Variants in CHL1 observed in about 807,000 individuals in gnomAD.
CHL1 encodes the protein neural cell adhesion molecule L1-like protein.
In CHL1, 96 loss-of-function variants were observed where a neutral mutation model predicts 141.9. That is an observed-to-expected ratio of 0.68 (90% confidence interval 0.57 to 0.80). The LOEUF (loss-of-function observed/expected upper bound fraction) is 0.80. Among genes scored for constraint, CHL1 ranks in the 30% least tolerant of loss-of-function variants. The pLI is 0.00. For missense variants in CHL1, 1,820 were observed against 1,457.2 expected, an observed-to-expected ratio of 1.25 and a Z score of -4.05; for synonymous variants, 613 against 502.2, an observed-to-expected ratio of 1.22 and a Z score of -2.95.
At chr3:346,124 A>G (rs930675772) in intron 9 of CHL1, among the ~76,000 whole-genome samples, 1 of 152,226 alleles carries the variant, frequency 6.6e-6, no homozygotes, top group African/African-American at 2.4e-5. Flanking sequence ...AATTTAGAGT[A>G]CATTCTGAAC....
At chr3:398,581 T>C (rs1708867099) in intron 25 of CHL1, among the ~76,000 whole-genome samples, 196 bp downstream of exon 25, 1 of 152,238 alleles carries the variant, frequency 6.6e-6, no homozygotes, top group African/African-American at 2.4e-5. Flanking sequence ...ATCCTTTATT[T>C]TGTTTTTACT....
chr3:327,962 T>C (rs1701137274), intron 4 of CHL1, among the ~76,000 whole-genome samples: 1 of 152,042 alleles, frequency 6.6e-6, no homozygotes, highest in Admixed American at 6.6e-5. Flanking sequence ...TCAATCTTAA[T>C]CCTCTCATTT....
intron 1 of CHL1, among the ~76,000 whole-genome samples, chr3:221,135 T>G (rs1700802038): frequency 6.6e-6 from 1 of 152,190 alleles, no homozygotes; most frequent in South Asian, 2.1e-4. Flanking sequence ...AATGAACCAA[T>G]GTACATGTTT....
intron 2 of CHL1, among the ~76,000 whole-genome samples, chr3:311,248 G>A (rs946053733): frequency 3.3e-5 from 5 of 152,140 alleles, no homozygotes; most frequent in African/African-American, 1.2e-4. Flanking sequence ...AGAGTTCAAT[G>A]GCTGGATCAC....
intron 27 of CHL1, among the ~76,000 whole-genome samples, chr3:402,521 G>A (rs1177810517): frequency 6.6e-6 from 1 of 152,108 alleles, no homozygotes; most frequent in African/African-American, 2.4e-5. Context: ...CATATTGTAA[G>A]TTCCAGGTTT....
Position 382,512 on chromosome 3 carries a change from G to C in CHL1, c.2017G>C (p.Gly673Arg), listed in dbSNP as rs758447605. ...VEFEGNKEEPGRWEELTRVQG... is the reference protein window; with the variant it reads ...VEFEGNKEEPRRWEELTRVQG... ...ATTTGAAGGAAACAAAGAAGAGCCT[G>C]GAAGGTGGGAGGAACTGACCAGAGT... Residue 673 changes from glycine to arginine, a missense_variant, in exon 18 of 28, where the codon GGA (glycine) becomes CGA (arginine). Gly to Arg is a moderately radical substitution (Grantham distance 125, BLOSUM62 -2). Coordinates refer to ENST00000256509, the MANE Select transcript of CHL1 (RefSeq NM_006614.4). The C allele has an allele frequency of 3.7e-6, 6 of 1,613,874 alleles. No homozygotes were observed. In the South Asian group the frequency reaches 6.6e-5, roughly 18 times the overall value.
intron 2 of CHL1, among the ~76,000 whole-genome samples, chr3:268,756 A>G (rs1024442084): frequency 6.6e-6 from 1 of 152,184 alleles, no homozygotes; most frequent in African/African-American, 2.4e-5. Flanking sequence ...ACAGAAAACA[A>G]TTAATAAAGA....
At chr3:386,163 G>C (rs886813339) in intron 19 of CHL1, among the ~76,000 whole-genome samples, 1 of 132,792 alleles carries the variant, frequency 7.5e-6, no homozygotes, top group Non-Finnish European at 1.6e-5. Context: ...AGATGTACTA[G>C]AAATAATTCC....
Position 400,185 on chromosome 3 carries a change from A to G in CHL1, c.3385+1037A>G, listed in dbSNP as rs141370872. Among the ~76,000 whole-genome samples the G allele has an allele frequency of 1.8e-3, 269 of 152,346 alleles. 2 individuals carry two copies. Among genetic ancestry groups the G allele is most frequent in the African/African-American group, 6.0e-3 (251 of 41,588 alleles). On this transcript the variant is annotated intron_variant, in intron 26 of 27. Coordinates refer to ENST00000256509, the MANE Select transcript of CHL1 (RefSeq NM_006614.4). ...TATATGAGAAGTTCATTACTGGCTTATGATTTATCTAGCAAATATTTATTG... is the reference window on the plus strand; with the variant it reads ...TATATGAGAAGTTCATTACTGGCTTGTGATTTATCTAGCAAATATTTATTG...
intron 19 of CHL1, among the ~76,000 whole-genome samples, chr3:387,790 C>T (rs983503564): frequency 5.9e-5 from 9 of 152,090 alleles, no homozygotes; most frequent in African/African-American, 2.2e-4. Context: ...CCAATGAATC[C>T]AAGTATTAAC....
intron 2 of CHL1, among the ~76,000 whole-genome samples, chr3:254,489 GT>G (rs926099559): frequency 2.6e-4 from 40 of 152,252 alleles, no homozygotes; most frequent in African/African-American, 8.9e-4. Flanking sequence ...TTAAAGATAG[GT>G]TTTTTAGCTG....
rs767868503 is a variant in CHL1 at position 363,331 on chromosome 3, G to T, written c.1533G>T (p.Trp511Cys). ...AAGATGCTGGGTCTTACTCATGTTG[G>T]GTAGAAAATGCTATAGGAAAAACTG... ...TEEDAGSYSC[W>C]VENAIGKTAV... The change falls in exon 14 of 28, where the codon TGG becomes TGT. Residue 511 changes from tryptophan to cysteine, a missense_variant. Transcript: ENST00000256509. 6.2e-7 allele frequency: 1 copy of T among 1,613,116 alleles called. No homozygotes were observed. Among genetic ancestry groups the T allele is most frequent in the South Asian group, 1.1e-5 (1 of 90,944 alleles).
rs769872997 is a variant in CHL1, at chr3:289,931, CTT to C, written c.-94-29732_-94-29731del. 4.1e-3 allele frequency among the ~76,000 whole-genome samples: 425 copies of C among 102,730 alleles called. 3 individuals are homozygous for C. Among genetic ancestry groups the C allele is most frequent in the African/African-American group, 0.016 (402 of 25,588 alleles). The allele number at this position is 102,730 out of a possible 152,430, so 67.4% of individuals were successfully genotyped here. A position where few individuals can be genotyped will look rare whatever the true frequency, so the allele number is the denominator to read the frequency against. On this transcript the variant is annotated intron_variant, in intron 2 of 27. Coordinates refer to ENST00000256509, the MANE Select transcript of CHL1 (RefSeq NM_006614.4). ...CATAGATACATTGCTCCACTGGTAT[CTT>C]TTTTTTTTTTTTTTTTTTTGAGATG...
chr3:216,983 C>A (rs2124946194), intron 1 of CHL1, among the ~76,000 whole-genome samples: 2 of 152,232 alleles, frequency 1.3e-5, no homozygotes, highest in South Asian at 4.1e-4. Context: ...TTTCAGCAAC[C>A]TTTTGTGCTC....
intron 13 of CHL1, 109 bp downstream of exon 13, chr3:361,919 C>G: frequency 1.3e-6 from 1 of 741,394 alleles, no homozygotes; most frequent in Non-Finnish European, 2.4e-6. Context: ...GTTACATGTA[C>G]CCAGTACCTC....
chr3:351,593 A>G (rs1249668378), intron 10 of CHL1, among the ~76,000 whole-genome samples: 3 of 152,164 alleles, frequency 2.0e-5, no homozygotes, highest in African/African-American at 7.2e-5. Flanking sequence ...CACATTAAAT[A>G]ATAAGGATTT....
chr3:343,400 G>A (rs901155420), intron 8 of CHL1, among the ~76,000 whole-genome samples: 7 of 152,158 alleles, frequency 4.6e-5, no homozygotes, highest in Non-Finnish European at 7.3e-5. Context: ...AAAACACTGC[G>A]TTTAAGAAAG....
intron 1 of CHL1, among the ~76,000 whole-genome samples, chr3:216,422 A>T (rs1700326544): frequency 6.6e-6 from 1 of 152,248 alleles, no homozygotes; most frequent in South Asian, 2.1e-4. Context: ...AGGAGAATTA[A>T]AATGAACATT....
At chr3:384,766 T>C (rs913483610) in intron 19 of CHL1, 1 of 152,234 alleles carries the variant, frequency 6.6e-6, no homozygotes, top group Non-Finnish European at 1.5e-5. Flanking sequence ...ACATTTTTAA[T>C]GTATGCTGAA....
Sources: gnomAD v4.1 joint callset for allele counts (sites outside exome capture counted in the v4.1 genomes callset) on GRCh38, gnomAD v4.1.1 for gene constraint, MANE v1.5 for transcripts, NCBI Gene and HGNC (gene_info 2026-07-23, HGNC 2026-07-21) for gene names.